ATP6V1C1: variants seen among roughly 807,000 people sequenced by gnomAD.
ATP6V1C1 encodes V-type proton ATPase subunit C 1.
ATP6V1C1 carries 45 observed loss-of-function variants against 53.9 expected under a neutral mutation model. That is an observed-to-expected ratio of 0.83 (90% CI 0.66 to 1.07). The LOEUF (loss-of-function observed/expected upper bound fraction) is 1.07. Ranked by LOEUF, ATP6V1C1 falls within the 50% of genes least tolerant of loss-of-function variation. The probability of loss-of-function intolerance (pLI) is 0.00; values close to 1 mark genes in which losing one functional copy is unlikely to be tolerated. For missense variants in ATP6V1C1, 315 were observed against 440.3 expected, an observed-to-expected ratio of 0.72 and a Z score of 2.55; for synonymous variants, 153 against 155.2, an observed-to-expected ratio of 0.99 and a Z score of 0.11.
intron 8 of ATP6V1C1, among the ~76,000 whole-genome samples, chr8:103,059,229 G>A (rs1363234502): frequency 2.6e-5 from 4 of 152,108 alleles, no homozygotes; most frequent in African/African-American, 9.7e-5. Flanking sequence ...GAGGGAGATG[G>A]TCTGTTCTCC....
intron 1 of ATP6V1C1, among the ~76,000 whole-genome samples, chr8:103,024,472 T>C (rs1816661164): frequency 6.6e-6 from 1 of 152,194 alleles, no homozygotes; most frequent in Non-Finnish European, 1.5e-5. Context: ...GGTCTCCATG[T>C]AGTTTACCCG....
Position 103,024,971 on chromosome 8 carries a change from G to C in ATP6V1C1, c.-40+3746G>C, listed in dbSNP as rs1226069772. The stretch of plus-strand genomic sequence containing the variant: ...TTTATTGAGTTAAAAAATGAGCCAG[G>C]TAGGCAGTGGAGGAGAAGTGCTTTG... On this transcript the variant is annotated intron_variant, in intron 1 of 12. Transcript: ENST00000518738. Among the ~76,000 whole-genome samples the C allele has an allele frequency of 2.0e-5, 3 of 152,194 alleles. No individual in the cohort carries two copies. The East Asian group carries it at 5.8e-4, about 29-fold the overall frequency.
chr8:103,051,607 TA>T (rs1817201412), intron 5 of ATP6V1C1, among the ~76,000 whole-genome samples: 1 of 152,150 alleles, frequency 6.6e-6, no homozygotes, highest in South Asian at 2.1e-4. Context: ...AAAATTCCCG[TA>T]TTCGTGTGCC....
intron 1 of ATP6V1C1, among the ~76,000 whole-genome samples, chr8:103,036,999 G>A (rs1816910142): frequency 6.6e-6 from 1 of 152,126 alleles, no homozygotes; most frequent in Non-Finnish European, 1.5e-5. Context: ...TACAAAAAGA[G>A]GTTTAAAGAT....
Position 103,036,540 on chromosome 8 carries a change from A to T in ATP6V1C1, c.-39-4258A>T, listed in dbSNP as rs969633936. On this transcript the variant is annotated intron_variant, in intron 1 of 12. Transcript: ENST00000518738. The stretch of plus-strand genomic sequence containing the variant: ...CATCTCTACAAAAAATAAATTTTTT[A>T]AAAGCTAAATTAGAGAACTTCTATC... 1.1e-4 allele frequency among the ~76,000 whole-genome samples: 17 copies of T among 152,362 alleles called. 2 individuals are homozygous for T. The South Asian group carries it at 3.5e-3, about 32-fold the overall frequency.
intron 1 of ATP6V1C1, among the ~76,000 whole-genome samples, chr8:103,029,424 C>T (rs915249391): frequency 6.6e-5 from 10 of 151,968 alleles, no homozygotes; most frequent in African/African-American, 1.7e-4. Flanking sequence ...TGCGTGCCAC[C>T]GTGTCTTGCT....
chr8:103,063,071 A>G (rs1817430783), intron 9 of ATP6V1C1, 24 bp downstream of exon 9: 1 of 1,612,644 alleles, frequency 6.2e-7, no homozygotes, highest in Non-Finnish European at 8.5e-7. Context: ...TTTTTTGTTT[A>G]TTTACTTTGT....
At chr8:103,066,101 G>C (rs1462040666) in intron 11 of ATP6V1C1, among the ~76,000 whole-genome samples, 1 of 152,184 alleles carries the variant, frequency 6.6e-6, no homozygotes, top group Admixed American at 6.5e-5. Flanking sequence ...GAGATTTCTA[G>C]TGGACAGTGG....
chr8:103,069,401 T>C lies in ATP6V1C1; in HGVS notation c.*654T>C, dbSNP rs949120077. On this transcript the variant is annotated 3_prime_UTR_variant, in exon 13 of 13. Transcript: ENST00000518738. ...TATGCTGAGGTGTAACCATTTGTGT[T>C]GTCTGACTTTCGTATGATTTAATTG... 6.6e-5 allele frequency: 10 copies of C among 152,236 alleles called. No individual in the cohort carries two copies. The highest frequency in any genetic ancestry group is 2.4e-4 in the African/African-American group (10 of 41,460). The allele number at this position is 152,236 out of a possible 1,614,324, so 9.4% of individuals were successfully genotyped here.
Position 103,021,156 on chromosome 8 carries a change from A to G in ATP6V1C1, c.-109A>G, listed in dbSNP as rs538252279. 6.5e-6 allele frequency: 1 copy of G among 152,902 alleles called. No homozygotes were observed. The highest frequency in any genetic ancestry group is 1.5e-5 in the Non-Finnish European group (1 of 68,256). The allele number at this position is 152,902 out of a possible 1,614,324, so 9.5% of individuals were successfully genotyped here. ...CGGGAAGGGATGGATCGCTGAGCCG[A>G]TAGCGTCCGCTAGGCTGTCTGCCTC... On this transcript the variant is annotated 5_prime_UTR_variant, in exon 1 of 13. Coordinates refer to ENST00000518738, the MANE Select transcript of ATP6V1C1 (RefSeq NM_001695.5).
At chr8:103,022,767 G>A (rs1816620778) in intron 1 of ATP6V1C1, among the ~76,000 whole-genome samples, 1 of 152,150 alleles carries the variant, frequency 6.6e-6, no homozygotes, top group Non-Finnish European at 1.5e-5. Context: ...GAACATTCCA[G>A]GCCTGGCAGG....
rs1816986908 is a variant in ATP6V1C1 at position 103,040,855 on chromosome 8, A to G, written c.19A>G (p.Ile7Val). Residue 7 changes from isoleucine to valine, a missense_variant, in exon 2 of 13, where the codon ATA (isoleucine) becomes GTA (valine). By Grantham distance (29) the Ile-to-Val change is conservative. Transcript: ENST00000518738. MTEFWLISAPGEKTCQQ... is the reference protein window; with the variant it reads MTEFWLVSAPGEKTCQQ... ...AACAAACATGACTGAGTTCTGGCTT[A>G]TATCTGCTCCTGGGGAGAAAACCTG... 3 of 1,614,134 alleles carry G rather than the reference A, an allele frequency of 1.9e-6. No homozygotes were observed. The highest frequency in any genetic ancestry group is 1.7e-6 in the Non-Finnish European group (2 of 1,179,998).
At position 103,063,186 on chromosome 8, in the gene ATP6V1C1, A is replaced by G. The variant is rs1280726234; in HGVS notation, c.786A>G (p.Lys262=). 5.0e-6 allele frequency: 8 copies of G among 1,612,712 alleles called. No individual in the cohort carries two copies. The highest frequency in any genetic ancestry group is 6.8e-6 in the Non-Finnish European group (8 of 1,179,324). The part of the protein sequence containing the change: ...QYNEEEMKAD[K]EEMNRLSTDK... ...ATGAAGAGGAGATGAAAGCAGATAA[A>G]GAAGAAATGAACAGGCTTTCTACTG... The change falls in exon 10 of 13, where the codon AAA becomes AAG. Residue 262 remains lysine (K), a synonymous_variant. Coordinates refer to ENST00000518738, the MANE Select transcript of ATP6V1C1 (RefSeq NM_001695.5).
chr8:103,056,902 A>G (rs1230739254), intron 8 of ATP6V1C1, among the ~76,000 whole-genome samples: 1 of 152,004 alleles, frequency 6.6e-6, no homozygotes, highest in African/African-American at 2.4e-5. Flanking sequence ...GTAGCTTAGT[A>G]TGATGGAAAG....
chr8:103,051,374 A>C (rs1489973414), intron 5 of ATP6V1C1, among the ~76,000 whole-genome samples: 1 of 152,182 alleles, frequency 6.6e-6, no homozygotes, highest in East Asian at 1.9e-4. Flanking sequence ...TATTACATCA[A>C]CAGTGTTTAA....
intron 11 of ATP6V1C1, among the ~76,000 whole-genome samples, chr8:103,065,415 G>A (rs1586329460): frequency 1.3e-5 from 2 of 152,084 alleles, no homozygotes; most frequent in Admixed American, 6.6e-5. Flanking sequence ...TTAGCCAAGT[G>A]TGGTGGCACG....
At chr8:103,036,367 C>T (rs112418324) in intron 1 of ATP6V1C1, among the ~76,000 whole-genome samples, 3 of 152,274 alleles carry the variant, frequency 2.0e-5, no homozygotes, top group African/African-American at 7.2e-5. Context: ...CATCTTCCAA[C>T]ACCTAGGCTC....
At chr8:103,058,312 TTCTC>T (rs1817326675) in intron 8 of ATP6V1C1, among the ~76,000 whole-genome samples, 1 of 152,218 alleles carries the variant, frequency 6.6e-6, no homozygotes. Context: ...TTCTACCTAT[TTCTC>T]AGTTCAAAGT....
intron 1 of ATP6V1C1, among the ~76,000 whole-genome samples, chr8:103,033,181 G>A (rs1036041966): frequency 5.3e-5 from 8 of 152,188 alleles, no homozygotes; most frequent in Non-Finnish European, 1.2e-4. Context: ...GGCTGGCAGT[G>A]AGATAGGGAT....
Sources: allele counts gnomAD v4.1 joint callset (sites outside exome capture counted in the v4.1 genomes callset), GRCh38; gene constraint gnomAD v4.1.1; transcripts MANE v1.5; gene names NCBI Gene and HGNC (gene_info 2026-07-23, HGNC 2026-07-21).